The following RRAGC variants were observed in gnomAD, a reference collection of about 807,000 sequenced individuals.
RRAGC encodes the protein ras-related GTP-binding protein C.
Under a neutral mutation model 37.1 loss-of-function variants are expected in RRAGC, and 8 were observed. The observed-to-expected ratio is 0.22, with a 90% CI of 0.13 to 0.39. The LOEUF (loss-of-function observed/expected upper bound fraction) is 0.39, where lower values mean the gene tolerates loss of function less well. Among genes scored for constraint, RRAGC ranks in the 10% least tolerant of loss-of-function variants. The probability of loss-of-function intolerance (pLI) is 1.00; values close to 1 mark genes in which losing one functional copy is unlikely to be tolerated. For missense variants in RRAGC, 342 were observed against 497.6 expected (o/e 0.69, Z 2.98); for synonymous variants, 190 against 181.1 (o/e 1.05, Z -0.39).
rs752595087 is a variant in RRAGC at position 38,859,504 on chromosome 1, G to C, written c.143C>G (p.Ala48Gly). 6.5e-7 allele frequency: 1 copy of C among 1,547,454 alleles called. No homozygotes were observed. The highest frequency in any genetic ancestry group is 2.0e-5 in the Admixed American group (1 of 50,958). ...AAAGGGVGAG[A>G]GGGCGPGGAD... ...GCCCCCCGGACCACAGCCACCGCCT[G>C]CCCCTGCCCCAACCCCTCCGCCCGC... is the stretch of plus-strand genomic sequence containing the variant. The change falls in exon 1 of 7, where the codon GCA becomes GGA. Residue 48 changes from alanine (A) to glycine (G), a missense_variant. Ala to Gly is a moderately conservative substitution (Grantham distance 60, BLOSUM62 0). Around this residue, in one of 3 missense-constraint regions of RRAGC, gnomAD observed 104 missense variants for 93.4 expected, o/e 1.11. Coordinates refer to ENST00000373001, the MANE Select transcript of RRAGC (RefSeq NM_022157.4).
chr1:38,856,427 TCTCA>T (rs1412080524), intron 2 of RRAGC, among the ~76,000 whole-genome samples: 2 of 152,330 alleles, frequency 1.3e-5, no homozygotes, highest in Admixed American at 1.3e-4. Context: ...GCCCCATTCA[TCTCA>T]CTGACTGCCA....
rs574941239 is a variant in RRAGC, at chr1:38,850,639, A to T, written c.899+976T>A. On this transcript the variant is annotated intron_variant, in intron 5 of 6. Transcript: ENST00000373001. ...TCTCCTACTCAGAGGCAGCTGGAGA[A>T]ATTAAGCAAAAGACCAAAATGAAGG... Among the ~76,000 whole-genome samples the T allele has an allele frequency of 6.6e-3, 1,011 of 152,344 alleles. 11 individuals carry two copies. Among genetic ancestry groups the T allele is most frequent in the African/African-American group, 0.023 (958 of 41,574 alleles).
Position 38,839,493 on chromosome 1 carries a change from T to C in RRAGC, c.*60A>G, listed in dbSNP as rs1434899860. On this transcript the variant is annotated 3_prime_UTR_variant, in exon 7 of 7. Coordinates refer to ENST00000373001, the MANE Select transcript of RRAGC (RefSeq NM_022157.4). The stretch of plus-strand genomic sequence containing the variant: ...AGCAGCTCCCATGTCCTGTAGCACG[T>C]GGCATCCGACCCTGGAGTGAAGAGT... 6.2e-5 allele frequency: 99 copies of C among 1,590,070 alleles called. No individual in the cohort carries two copies. Among genetic ancestry groups the C allele is most frequent in the Non-Finnish European group, 8.2e-5 (95 of 1,163,462 alleles).
rs34255730 is a variant in RRAGC at position 38,841,383 on chromosome 1, T to TTA, written c.1049-1680_1049-1679insTA. ...ATAAACAAAAATTTTTTTTTTTTTT[T>TTA]ATAGACAGGGTCTCACTCTGACACC... On this transcript the variant is annotated intron_variant, in intron 6 of 6. Coordinates refer to ENST00000373001, the MANE Select transcript of RRAGC (RefSeq NM_022157.4). Among the ~76,000 whole-genome samples, 6 of 151,460 alleles carry TTA rather than the reference T, an allele frequency of 4.0e-5. 1 individual carries two copies. Among genetic ancestry groups the TTA allele is most frequent in the South Asian group, 2.1e-4 (1 of 4,798 alleles).
intron 5 of RRAGC, among the ~76,000 whole-genome samples, chr1:38,849,326 T>C (rs1008874528): frequency 6.6e-6 from 1 of 152,098 alleles, no homozygotes; most frequent in African/African-American, 2.4e-5. Flanking sequence ...CCCCCAAATT[T>C]AGCTAGGACT....
intron 6 of RRAGC, among the ~76,000 whole-genome samples, chr1:38,843,731 A>C (rs912830948): frequency 8.5e-5 from 13 of 152,104 alleles, no homozygotes; most frequent in Non-Finnish European, 1.8e-4. Flanking sequence ...AAAAAAAAAA[A>C]AACTCAGGTA....
At chr1:38,851,791 T>C in intron 4 of RRAGC, 34 bp from the exon 5 acceptor site, 1 of 1,576,872 alleles carries the variant, frequency 6.3e-7, no homozygotes, top group Non-Finnish European at 8.7e-7. Context: ...GTTCAGTATT[T>C]TTTAAGAATC....
intron 5 of RRAGC, chr1:38,846,346 T>C (rs1014744764): frequency 6.0e-6 from 2 of 334,234 alleles, no homozygotes; most frequent in African/African-American, 4.4e-5. Context: ...CAAACATATG[T>C]ATATCTTAAC....
intron 5 of RRAGC, among the ~76,000 whole-genome samples, chr1:38,850,897 T>G (rs1642094339): frequency 6.6e-6 from 1 of 152,150 alleles, no homozygotes; most frequent in African/African-American, 2.4e-5. Context: ...CTCCAACTCC[T>G]GGCCCCAAGC....
At chr1:38,855,277 A>G (rs1252345895) in intron 3 of RRAGC, among the ~76,000 whole-genome samples, 2 of 152,160 alleles carry the variant, frequency 1.3e-5, no homozygotes, top group Non-Finnish European at 2.9e-5. Flanking sequence ...TTGAAAGTGC[A>G]CTCTCTGTAT....
chr1:38,857,762 C>A (rs574825373), intron 1 of RRAGC, among the ~76,000 whole-genome samples: 6 of 152,268 alleles, frequency 3.9e-5, no homozygotes, highest in African/African-American at 9.6e-5. Context: ...GAGTTCGAGA[C>A]CAGCCTGACC....
In RRAGC at chr1:38,839,458, T is replaced by C; in HGVS notation, c.*95A>G. The stretch of plus-strand genomic sequence containing the variant: ...GTCTCTAGTGGAACAGGCACCAGAT[T>C]CCCACAAGCAGCAGCTCCCATGTCC... On this transcript the variant is annotated 3_prime_UTR_variant, in exon 7 of 7. Transcript: ENST00000373001. 7.3e-7 allele frequency: 1 copy of C among 1,379,258 alleles called. No homozygotes were observed. The highest frequency in any genetic ancestry group is 1.4e-5 in the South Asian group (1 of 71,548). The allele number at this position is 1,379,258 out of a possible 1,614,324, so 85.4% of individuals were successfully genotyped here.
chr1:38,857,186 A>T (rs1461137271), intron 1 of RRAGC, 104 bp from the exon 2 acceptor site: 58 of 891,588 alleles, frequency 6.5e-5, no homozygotes, highest in South Asian at 1.5e-4. Flanking sequence ...ACAAAAAAAA[A>T]TTTTTTTTGA....
chr1:38,852,001 CAAAT>C (rs1273166787), intron 4 of RRAGC, among the ~76,000 whole-genome samples: 1 of 152,178 alleles, frequency 6.6e-6, no homozygotes, highest in Non-Finnish European at 1.5e-5. Flanking sequence ...CCTCTTTACT[CAAAT>C]GAATTGTTTT....
chr1:38,852,005 T>C (rs1642106214), intron 4 of RRAGC, among the ~76,000 whole-genome samples: 1 of 152,200 alleles, frequency 6.6e-6, no homozygotes, highest in Non-Finnish European at 1.5e-5. Flanking sequence ...TTTACTCAAA[T>C]GAATTGTTTT....
intron 6 of RRAGC, among the ~76,000 whole-genome samples, chr1:38,840,868 TCAA>T (rs1641954961): frequency 6.6e-6 from 1 of 152,234 alleles, no homozygotes; most frequent in African/African-American, 2.4e-5. Flanking sequence ...CAAGTTTTGA[TCAA>T]TTCAACTACA....
At chr1:38,850,462 C>G (rs1479746545) in intron 5 of RRAGC, among the ~76,000 whole-genome samples, 1 of 151,796 alleles carries the variant, frequency 6.6e-6, no homozygotes, top group Non-Finnish European at 1.5e-5. Context: ...TGCAGTGAGC[C>G]AAGATCGCGC....
rs904548586 is a variant in RRAGC at position 38,859,578 on chromosome 1, T to A, written c.69A>T (p.Pro23=). 9 of 1,561,712 alleles carry A rather than the reference T, an allele frequency of 5.8e-6. No homozygotes were observed. The South Asian group carries it at 1.1e-4, about 18-fold the overall frequency. Residue 23 remains proline, a synonymous_variant, in exon 1 of 7, where the codon CCA becomes CCT. Transcript: ENST00000373001. The part of the protein sequence containing the change: ...AGSYGAADSF[P]KDFGYGVEEE... ...CCTCCACGCCGTAGCCGAAGTCCTT[T>A]GGAAACGAATCGGCCGCGCCGTAAC...
intron 6 of RRAGC, 125 bp from the exon 7 acceptor site, chr1:38,839,829 T>C (rs1227287651): frequency 3.2e-5 from 28 of 876,582 alleles, no homozygotes; most frequent in Admixed American, 1.2e-4. Context: ...CCAAACTAGA[T>C]AGCAACTTCT....
Sources: allele counts gnomAD v4.1 joint callset (sites outside exome capture counted in the v4.1 genomes callset), GRCh38; gene constraint gnomAD v4.1.1; regional missense constraint gnomAD v4.1.1; transcripts MANE v1.5; gene names NCBI Gene and HGNC (gene_info 2026-07-23, HGNC 2026-07-21).